The following CD300LB variants were observed in gnomAD, a reference collection of about 807,000 sequenced individuals.
CD300LB encodes CD300 molecule like family member b.
CD300LB carries 18 observed loss-of-function variants against 20.8 expected under a neutral mutation model. The observed-to-expected ratio is 0.87, with a 90% CI of 0.60 to 1.28. The LOEUF (loss-of-function observed/expected upper bound fraction) is 1.28, where lower values mean the gene tolerates loss of function less well. CD300LB is among the 50% of genes most tolerant of loss of function. CD300LB has a pLI of 0.00. For synonymous variants in CD300LB, 91 were observed against 91.3 expected (o/e 1.00, Z 0.02); for missense variants, 222 against 251.8 (o/e 0.88, Z 0.80).
rs985373174 is a variant in CD300LB, at chr17:74,521,926, G to A, written c.*812C>T. ...GAAAAGGGAGGGTGCCATTTCCTGC[G>A]ATGGTTTTCGTTACTGCCCTCCCCA... On this transcript the variant is annotated 3_prime_UTR_variant, in exon 4 of 4. Transcript: ENST00000392621. The A allele has an allele frequency of 6.1e-6, 6 of 985,470 alleles. No homozygotes were observed. Among genetic ancestry groups the A allele is most frequent in the South Asian group, 4.7e-5 (1 of 21,290 alleles). The allele number at this position is 985,470 out of a possible 1,614,324, so 61.0% of individuals were successfully genotyped here.
In CD300LB at chr17:74,521,825, C is replaced by T. The variant is rs1360873097; in HGVS notation, c.*913G>A. 21 of 985,378 alleles carry T rather than the reference C, an allele frequency of 2.1e-5. No individual in the cohort carries two copies. Among genetic ancestry groups the T allele is most frequent in the Non-Finnish European group, 2.4e-5 (20 of 829,980 alleles). 61.0% of individuals were successfully genotyped at this position (985,378 alleles called of 1,614,324 possible). On this transcript the variant is annotated 3_prime_UTR_variant, in exon 4 of 4. Coordinates refer to ENST00000392621, the MANE Select transcript of CD300LB (RefSeq NM_174892.4). Reference sequence around the variant, plus strand: ...TGACCACATTCAAGGGCCTCATCGCCGTGGGTGAAGCCTGTGAGGAGACAG... The same window carrying T: ...TGACCACATTCAAGGGCCTCATCGCTGTGGGTGAAGCCTGTGAGGAGACAG...
rs783252 is a variant in CD300LB at position 74,524,273 on chromosome 17, G to A, written c.371-622C>T. Among the ~76,000 whole-genome samples the A allele has an allele frequency of 7.2e-3, 1,097 of 152,238 alleles. 17 individuals are homozygous for A. The highest frequency in any genetic ancestry group is 0.026 in the African/African-American group (1,062 of 41,546). ...ACAGTGATCTTTTATTTCAGTCCTC[G>A]GCCCCAGCAAATTTTTCTCAAAGGT... On this transcript the variant is annotated intron_variant, in intron 2 of 3. Coordinates refer to ENST00000392621, the MANE Select transcript of CD300LB (RefSeq NM_174892.4).
At chr17:74,530,315 T>A (rs1004298035) in intron 1 of CD300LB, among the ~76,000 whole-genome samples, 1 of 152,148 alleles carries the variant, frequency 6.6e-6, no homozygotes, top group Non-Finnish European at 1.5e-5. Flanking sequence ...TCCACCAAGG[T>A]TTGCCATGGA....
chr17:74,525,606 CCTGTCTGT>C (rs967970608), intron 2 of CD300LB, 134 bp downstream of exon 2: 1 of 734,662 alleles, frequency 1.4e-6, no homozygotes, highest in Admixed American at 2.7e-5. Flanking sequence ...AGTTTGTCTG[CCTGTCTGT>C]CTGTCTGTCT....
At chr17:74,524,024 G>C (rs753907914) in intron 2 of CD300LB, among the ~76,000 whole-genome samples, 1 of 152,174 alleles carries the variant, frequency 6.6e-6, no homozygotes, top group Non-Finnish European at 1.5e-5. Flanking sequence ...AGGGCTTAAG[G>C]AGAGAAGATT....
chr17:74,531,370 C>G lies in CD300LB; in HGVS notation c.-20G>C, dbSNP rs1908210513. ...CCACATGGCTCTGCCTTCCCGGCTC[C>G]TCGTCCGCCTGATCTGCAACCAGTG... On this transcript the variant is annotated 5_prime_UTR_variant, in exon 1 of 4. Coordinates refer to ENST00000392621, the MANE Select transcript of CD300LB (RefSeq NM_174892.4). 2 of 1,612,832 alleles carry G rather than the reference C, an allele frequency of 1.2e-6. No individual in the cohort carries two copies. The highest frequency in any genetic ancestry group is 1.3e-5 in the African/African-American group (1 of 74,852).
intron 1 of CD300LB, among the ~76,000 whole-genome samples, chr17:74,528,487 A>G (rs1908100742): frequency 6.6e-6 from 1 of 152,238 alleles, no homozygotes; most frequent in African/African-American, 2.4e-5. Flanking sequence ...TTCAATCAGC[A>G]GAACCAACTT....
intron 2 of CD300LB, among the ~76,000 whole-genome samples, chr17:74,524,796 G>GT (rs1232229039): frequency 1.3e-5 from 2 of 152,078 alleles, no homozygotes; most frequent in Non-Finnish European, 2.9e-5. Context: ...ACTGGCCACT[G>GT]TTTTTTGTCT....
intron 1 of CD300LB, among the ~76,000 whole-genome samples, chr17:74,526,782 T>C (rs956361692): frequency 6.6e-6 from 1 of 152,220 alleles, no homozygotes; most frequent in Non-Finnish European, 1.5e-5. Context: ...ACTCCCACGG[T>C]GGCAGATGTC....
intron 2 of CD300LB, 41 bp downstream of exon 2, chr17:74,525,707 T>G: frequency 2.3e-5 from 37 of 1,574,552 alleles, no homozygotes; most frequent in African/African-American, 5.4e-5. Context: ...TTCCCAGCCC[T>G]GAGCTCCAGG....
intron 1 of CD300LB, among the ~76,000 whole-genome samples, chr17:74,526,437 G>A (rs1211438734): frequency 1.3e-5 from 2 of 152,178 alleles, no homozygotes; most frequent in Non-Finnish European, 2.9e-5. Flanking sequence ...TAGGAGCTGG[G>A]CACGGTGGCT....
intron 2 of CD300LB, 31 bp from the exon 3 acceptor site, chr17:74,523,682 T>A (rs202114723): frequency 3.7e-4 from 557 of 1,511,522 alleles, no homozygotes; most frequent in Non-Finnish European, 4.8e-4. Flanking sequence ...CCATGGGTTA[T>A]TAGCACAGTT....
chr17:74,527,205 A>G (rs1908062116), intron 1 of CD300LB, among the ~76,000 whole-genome samples: 1 of 152,270 alleles, frequency 6.6e-6, no homozygotes. Context: ...AGAGGTGAGC[A>G]TAATCAAATG....
Position 74,521,666 on chromosome 17 carries a change from G to A in CD300LB, c.*1072C>T, listed in dbSNP as rs1396987649. 6.1e-6 allele frequency: 6 copies of A among 985,456 alleles called. No individual in the cohort carries two copies. The highest frequency in any genetic ancestry group is 4.7e-5 in the South Asian group (1 of 21,280). The allele number at this position is 985,456 out of a possible 1,614,324, so 61.0% of individuals were successfully genotyped here. A position where few individuals can be genotyped will look rare whatever the true frequency, so the allele number is the denominator to read the frequency against. ...TTAGAACCAAGAGCAGGTTGGAGGC[G>A]TCCTCATGGGTGTTCAAAGGGCAAC... On this transcript the variant is annotated 3_prime_UTR_variant, in exon 4 of 4. Transcript: ENST00000392621.
At chr17:74,522,994 G>T in intron 3 of CD300LB, 94 bp from the exon 4 acceptor site, 1 of 1,269,410 alleles carries the variant, frequency 7.9e-7, no homozygotes, top group South Asian at 1.4e-5. Flanking sequence ...CAAAGCCTGT[G>T]ACCCTGGGCC....
chr17:74,522,744 G>A lies in CD300LB; in HGVS notation c.600C>T (p.Ala200=). ...GCTCTGCAGATCCATCTCTCTAAGTGGCCATGTCTTTAGTCAGAGGTTCGG... is the reference window on the plus strand; with the variant it reads ...GCTCTGCAGATCCATCTCTCTAAGTAGCCATGTCTTTAGTCAGAGGTTCGG... The part of the protein sequence containing the change: ...NFSEPLTKDM[A]T Residue 200 remains alanine, a synonymous_variant, in exon 4 of 4, where the codon GCC becomes GCT. Coordinates refer to ENST00000392621, the MANE Select transcript of CD300LB (RefSeq NM_174892.4). The A allele has an allele frequency of 6.2e-7, 1 of 1,614,138 alleles. No individual in the cohort carries two copies. The highest frequency in any genetic ancestry group is 8.5e-7 in the Non-Finnish European group (1 of 1,179,998).
chr17:74,522,415 C>T lies in CD300LB; in HGVS notation c.*323G>A, dbSNP rs995195681. On this transcript the variant is annotated 3_prime_UTR_variant, in exon 4 of 4. Coordinates refer to ENST00000392621, the MANE Select transcript of CD300LB (RefSeq NM_174892.4). ...TGGGGGGGTCTCCCCCAACCTCTTT[C>T]TGTACTTTGGTCCCATGCTCTGTGC... The T allele has an allele frequency of 3.8e-6, 4 of 1,053,562 alleles. No individual in the cohort carries two copies. The highest frequency in any genetic ancestry group is 7.3e-5 in the East Asian group (1 of 13,674). The allele number at this position is 1,053,562 out of a possible 1,614,324, so 65.3% of individuals were successfully genotyped here. A position where few individuals can be genotyped will look rare whatever the true frequency, so the allele number is the denominator to read the frequency against.
intron 2 of CD300LB, among the ~76,000 whole-genome samples, 172 bp from the exon 3 acceptor site, chr17:74,523,823 C>G (rs1300677762): frequency 6.6e-6 from 1 of 152,146 alleles, no homozygotes; most frequent in African/African-American, 2.4e-5. Flanking sequence ...ACTTCAATCT[C>G]AACACACAGA....
chr17:74,522,891 G>A lies in CD300LB; in HGVS notation c.453C>T (p.Tyr151=), dbSNP rs768535059. The A allele has an allele frequency of 4.2e-5, 68 of 1,613,542 alleles. No homozygotes were observed. Among genetic ancestry groups the A allele is most frequent in the Non-Finnish European group, 5.6e-5 (66 of 1,179,978 alleles). Residue 151 remains tyrosine (Y), a synonymous_variant, in exon 4 of 4, where the codon TAC becomes TAT. Transcript: ENST00000392621. Reference sequence around the variant, plus strand: ...GCACCTTCACAAATACCAGGAGCATGTAGTGGTTCCTGGGGAAGGGGATGC... The same window carrying A: ...GCACCTTCACAAATACCAGGAGCATATAGTGGTTCCTGGGGAAGGGGATGC... ...VFIGSHKRNH[Y]MLLVFVKVPI... is the part of the protein sequence containing the mutation.
Sources: allele counts gnomAD v4.1 joint callset (sites outside exome capture counted in the v4.1 genomes callset), GRCh38; gene constraint gnomAD v4.1.1; transcripts MANE v1.5; gene names NCBI Gene and HGNC (gene_info 2026-07-23, HGNC 2026-07-21).